The following EML1 variants were observed in gnomAD, a reference collection of about 807,000 sequenced individuals.
EML1 encodes EMAP like 1, also known as echinoderm microtubule-associated protein-like 1.
EML1 carries 27 observed loss-of-function variants against 110.4 expected under a neutral mutation model. The ratio of observed to expected loss-of-function variants is 0.24; its 90% CI spans 0.18 to 0.34. The LOEUF is 0.34. EML1 is among the 10% of genes least tolerant of loss of function. The probability of loss-of-function intolerance (pLI) is 1.00; values close to 1 mark genes in which losing one functional copy is unlikely to be tolerated. For synonymous variants in EML1, 344 were observed against 385.8 expected, an observed-to-expected ratio of 0.89 and a Z score of 1.27; for missense variants, 741 against 1,030.9, an observed-to-expected ratio of 0.72 and a Z score of 3.85.
intron 5 of EML1, among the ~76,000 whole-genome samples, chr14:99,894,200 T>C (rs1252567591): frequency 6.6e-6 from 1 of 152,234 alleles, no homozygotes; most frequent in East Asian, 1.9e-4. Context: ...AACAAATCCA[T>C]TTAAATATTG....
Position 99,886,423 on chromosome 14 carries a change from G to A in EML1, c.519-4776G>A, listed in dbSNP as rs1283962075. ...CTTGAGCCAGGAGGTGGAGGTTGCC[G>A]TGAGCCGAGATCACACCACTGCACT... is the stretch of plus-strand genomic sequence containing the variant. On this transcript the variant is annotated intron_variant, in intron 4 of 21. Transcript: ENST00000262233. Among the ~76,000 whole-genome samples, 5 of 151,936 alleles carry A rather than the reference G, an allele frequency of 3.3e-5. 1 individual carries two copies. Among genetic ancestry groups the A allele is most frequent in the South Asian group, 4.2e-4 (2 of 4,808 alleles).
intron 1 of EML1, among the ~76,000 whole-genome samples, chr14:99,783,228 G>C (rs1595274985): frequency 6.9e-6 from 1 of 145,450 alleles, no homozygotes; most frequent in Admixed American, 7.3e-5. Context: ...ACCTATGAGA[G>C]AGAACATGCG....
At chr14:99,830,544 GC>G (rs767585917) in intron 1 of EML1, among the ~76,000 whole-genome samples, 16 of 142,128 alleles carry the variant, frequency 1.1e-4, no homozygotes, top group Non-Finnish European at 1.7e-4. Context: ...TTCATGTTTT[GC>G]CTTTTTGTTT....
chr14:99,747,725 G>A (rs918684958), intron 1 of EML1, among the ~76,000 whole-genome samples: 4 of 152,116 alleles, frequency 2.6e-5, no homozygotes, highest in Admixed American at 6.5e-5. Context: ...GCAGGGGCTC[G>A]GAGTAAGGAC....
chr14:99,809,267 TATC>T (rs763955577), intron 1 of EML1, among the ~76,000 whole-genome samples: 22 of 152,254 alleles, frequency 1.4e-4, no homozygotes, highest in Admixed American at 6.5e-5. Flanking sequence ...TCTGCTTAAA[TATC>T]ATATTTATCA....
At chr14:99,893,912 G>T (rs376607157) in intron 5 of EML1, among the ~76,000 whole-genome samples, 128 of 152,270 alleles carry the variant, frequency 8.4e-4, no homozygotes, top group African/African-American at 3.0e-3. Context: ...GAGTTACCCC[G>T]TGTTGATACG....
intron 1 of EML1, among the ~76,000 whole-genome samples, chr14:99,834,791 T>C (rs2058512889): frequency 6.6e-6 from 1 of 152,168 alleles, no homozygotes. Context: ...CCAGTGAGGT[T>C]ATCAGTGATT....
intron 17 of EML1, among the ~76,000 whole-genome samples, chr14:99,929,907 T>A (rs1438543922): frequency 6.6e-6 from 1 of 152,160 alleles, no homozygotes; most frequent in Non-Finnish European, 1.5e-5. Context: ...TCAGGAAAGC[T>A]ATGAGGGTTC....
At chr14:99,829,435 G>T (rs2058413562) in intron 1 of EML1, among the ~76,000 whole-genome samples, 1 of 152,268 alleles carries the variant, frequency 6.6e-6, no homozygotes, top group African/African-American at 2.4e-5. Context: ...TTTCAAAATG[G>T]TTGAATTATT....
intron 1 of EML1, among the ~76,000 whole-genome samples, chr14:99,762,610 C>A (rs919338577): frequency 1.3e-5 from 2 of 152,164 alleles, no homozygotes; most frequent in African/African-American, 4.8e-5. Context: ...CCAGCCTGGG[C>A]AACATGATGA....
chr14:99,938,809 C>T (rs1275540824), intron 20 of EML1, among the ~76,000 whole-genome samples: 1 of 152,218 alleles, frequency 6.6e-6, no homozygotes, highest in Non-Finnish European at 1.5e-5. Context: ...ACAGCAATAA[C>T]AAGGAAACTG....
chr14:99,902,405 A>G (rs2059777416), intron 9 of EML1, among the ~76,000 whole-genome samples: 1 of 152,212 alleles, frequency 6.6e-6, no homozygotes, highest in African/African-American at 2.4e-5. Flanking sequence ...TGGTTGGTTC[A>G]CAGGAATAAG....
At chr14:99,921,673 A>G (rs1406087423) in intron 17 of EML1, among the ~76,000 whole-genome samples, 1 of 152,170 alleles carries the variant, frequency 6.6e-6, no homozygotes, top group African/African-American at 2.4e-5. Flanking sequence ...AGCAGTTCCC[A>G]GACATCTCAT....
At chr14:99,826,931 A>G (rs2058370412) in intron 1 of EML1, among the ~76,000 whole-genome samples, 1 of 152,194 alleles carries the variant, frequency 6.6e-6, no homozygotes, top group Non-Finnish European at 1.5e-5. Flanking sequence ...AGCTCAGCAC[A>G]TGGAGAAGAC....
intron 4 of EML1, among the ~76,000 whole-genome samples, chr14:99,881,548 CTTTAT>C (rs2139946906): frequency 6.6e-6 from 1 of 151,750 alleles, no homozygotes; most frequent in South Asian, 2.1e-4. Flanking sequence ...TTCTGAGATA[CTTTAT>C]TTTAAAGTAA....
rs575197358 is a variant in EML1, at chr14:99,865,863, T to G, written c.383+217T>G. Among the ~76,000 whole-genome samples the G allele has an allele frequency of 5.9e-5, 9 of 152,366 alleles. No homozygotes were observed. The East Asian group carries it at 1.7e-3, about 29-fold the overall frequency. On this transcript the variant is annotated intron_variant, in intron 3 of 21. Coordinates refer to ENST00000262233, the MANE Select transcript of EML1 (RefSeq NM_004434.3). ...GTGTTGCCTTTGAAACCTCACTGGC[T>G]AAAACCACAGTGTGGTGTTTTGTAT... is the stretch of plus-strand genomic sequence containing the variant.
intron 1 of EML1, among the ~76,000 whole-genome samples, chr14:99,742,969 A>C (rs903312687): frequency 6.6e-6 from 1 of 152,022 alleles, no homozygotes; most frequent in African/African-American, 2.4e-5. Flanking sequence ...ACCAAGAAGG[A>C]CTCAACCTCA....
At chr14:99,744,522 G>T (rs2140163575) in intron 1 of EML1, among the ~76,000 whole-genome samples, 1 of 152,288 alleles carries the variant, frequency 6.6e-6, no homozygotes, top group East Asian at 1.9e-4. Flanking sequence ...CCCTTTCATT[G>T]AGTTTTTTTC....
intron 1 of EML1, among the ~76,000 whole-genome samples, chr14:99,754,677 G>C (rs1004845706): frequency 1.3e-5 from 2 of 152,176 alleles, no homozygotes; most frequent in African/African-American, 4.8e-5. Flanking sequence ...TTGGCACCCC[G>C]GCACAGGGCA....
Sources: gnomAD v4.1 joint callset for allele counts (sites outside exome capture counted in the v4.1 genomes callset) on GRCh38, gnomAD v4.1.1 for gene constraint, MANE v1.5 for transcripts, NCBI Gene and HGNC (gene_info 2026-07-23, HGNC 2026-07-21) for gene names.